WDPCP: variants seen among roughly 807,000 people sequenced by gnomAD.
The protein encoded by WDPCP is WD repeat containing planar cell polarity effector.
In WDPCP, 71 loss-of-function variants were observed where a neutral mutation model predicts 93.1. That is an observed-to-expected ratio of 0.76 (90% CI 0.63 to 0.93). The LOEUF is 0.93. Among genes scored for constraint, WDPCP ranks in the 40% least tolerant of loss-of-function variants. WDPCP has a pLI of 0.00. For missense variants in WDPCP, 844 were observed against 887.4 expected, an observed-to-expected ratio of 0.95 and a Z score of 0.62; for synonymous variants, 315 against 315.0, an observed-to-expected ratio of 1.00 and a Z score of 0.00.
Position 63,557,970 on chromosome 2 carries a change from C to T in WDPCP, c.75+30227G>A, listed in dbSNP as rs2166495. Among the ~76,000 whole-genome samples, 307 of 152,196 alleles carry T rather than the reference C, an allele frequency of 2.0e-3. 3 individuals carry two copies. Among genetic ancestry groups the T allele is most frequent in the African/African-American group, 6.8e-3 (282 of 41,518 alleles). ...CAAAGAGAACAAAGAGAAAACATAA[C>T]AGAATCTCTGGGGCACAGCTGAAGC... On this transcript the variant is annotated intron_variant, in intron 1 of 17. Transcript: ENST00000272321.
At chr2:63,584,101 A>G (rs570651808) in intron 1 of WDPCP, among the ~76,000 whole-genome samples, 93 of 152,068 alleles carry the variant, frequency 6.1e-4, no homozygotes, top group Admixed American at 1.5e-3. Context: ...TCGCGGCTAC[A>G]GTGATATGAT....
intron 1 of WDPCP, chr2:63,519,021 A>C (rs1702742647): frequency 6.7e-6 from 1 of 150,058 alleles, no homozygotes; most frequent in African/African-American, 2.5e-5. Context: ...ACATGCACCC[A>C]CTGTACCACC....
chr2:63,224,297 C>A (rs994858600), intron 14 of WDPCP, among the ~76,000 whole-genome samples: 1 of 151,936 alleles, frequency 6.6e-6, no homozygotes, highest in African/African-American at 2.4e-5. Context: ...GGTGGGAATG[C>A]AAAATGGTAC....
intron 12 of WDPCP, among the ~76,000 whole-genome samples, chr2:63,325,363 G>A (rs1687450994): frequency 6.6e-6 from 1 of 152,184 alleles, no homozygotes; most frequent in Admixed American, 6.5e-5. Context: ...CTGTCCCAGA[G>A]TGCAATGGTT....
chr2:63,508,988 AC>A (rs1414379300), intron 1 of WDPCP, among the ~76,000 whole-genome samples: 2 of 152,118 alleles, frequency 1.3e-5, no homozygotes, highest in Non-Finnish European at 2.9e-5. Flanking sequence ...ATAGTGGGAG[AC>A]TTTAACATCC....
intron 17 of WDPCP, among the ~76,000 whole-genome samples, chr2:63,126,094 C>T (rs1669883134): frequency 6.6e-6 from 1 of 151,620 alleles, no homozygotes; most frequent in Admixed American, 6.6e-5. Context: ...ACCACCACAC[C>T]AGGCTATTTT....
intron 3 of WDPCP, among the ~76,000 whole-genome samples, chr2:63,639,173 G>A (rs1178422839): frequency 6.6e-6 from 1 of 151,102 alleles, no homozygotes; most frequent in African/African-American, 2.4e-5. Flanking sequence ...GGAGGCGGAG[G>A]TTACAGTGAG....
At chr2:63,378,232 CAAATT>C in intron 12 of WDPCP, 149 bp downstream of exon 12, 2 of 1,027,602 alleles carry the variant, frequency 1.9e-6, no homozygotes, top group Non-Finnish European at 2.8e-6. Context: ...AAAACAATAA[CAAATT>C]AAATAAGACC....
chr2:63,593,181 C>T (rs1039792481), upstream of WDPCP: 1 of 162,956 alleles, frequency 6.1e-6, no homozygotes, highest in Non-Finnish European at 1.4e-5. Context: ...ACTCACTCAA[C>T]CTCTGCCTCC....
chr2:63,414,520 T>A (rs1411287630), intron 9 of WDPCP, among the ~76,000 whole-genome samples: 1 of 151,682 alleles, frequency 6.6e-6, no homozygotes, highest in Admixed American at 6.6e-5. Context: ...CACACATATA[T>A]ACATATGATG....
intron 1 of WDPCP, chr2:63,564,720 GTTCT>G (rs1706895789): frequency 6.6e-6 from 1 of 150,900 alleles, no homozygotes; most frequent in South Asian, 2.1e-4. Flanking sequence ...TTCAAATGAT[GTTCT>G]TTCTAAATCT....
intron 1 of WDPCP, among the ~76,000 whole-genome samples, chr2:63,582,367 C>G (rs1480604371): frequency 6.6e-6 from 1 of 151,950 alleles, no homozygotes; most frequent in Non-Finnish European, 1.5e-5. Context: ...CAAAATGAAA[C>G]CTAGAAAGAA....
chr2:63,406,570 C>T (rs138648771), intron 9 of WDPCP, among the ~76,000 whole-genome samples: 2 of 152,226 alleles, frequency 1.3e-5, no homozygotes, highest in Admixed American at 6.5e-5. Context: ...AAAAGCTTAA[C>T]GATTTTATGT....
chr2:63,433,812 G>A lies in WDPCP; in HGVS notation c.758C>T (p.Ala253Val), dbSNP rs751984110. ...TCTGTCCTTCTCAGAAGAAATGGGGGCCCAAGGCCAAGCATCATCGTTGAC... is the reference window on the plus strand; with the variant it reads ...TCTGTCCTTCTCAGAAGAAATGGGGACCCAAGGCCAAGCATCATCGTTGAC... ...PLVNDDAWPW[A>V]PISSEKDRAN... Residue 253 changes from alanine (A) to valine (V), a missense_variant, in exon 9 of 18, where the codon GCC becomes GTC. Coordinates refer to ENST00000272321, the MANE Select transcript of WDPCP (RefSeq NM_015910.7). 1.2e-6 allele frequency: 2 copies of A among 1,613,726 alleles called. No individual in the cohort carries two copies. Among genetic ancestry groups the A allele is most frequent in the South Asian group, 2.2e-5 (2 of 90,978 alleles).
At chr2:63,651,049 A>G (rs1445019827) in intron 2 of WDPCP, among the ~76,000 whole-genome samples, 1 of 152,198 alleles carries the variant, frequency 6.6e-6, no homozygotes, top group Non-Finnish European at 1.5e-5. Context: ...ACCATTATCA[A>G]TAAAGACATT....
intron 2 of WDPCP, among the ~76,000 whole-genome samples, chr2:63,490,792 A>C (rs1360874822): frequency 1.3e-5 from 2 of 152,160 alleles, no homozygotes; most frequent in African/African-American, 2.4e-5. Flanking sequence ...ACAAGGGGTA[A>C]AAGGGGATCA....
At chr2:63,196,328 C>T (rs1280346479) in intron 14 of WDPCP, among the ~76,000 whole-genome samples, 1 of 152,164 alleles carries the variant, frequency 6.6e-6, no homozygotes, top group African/African-American at 2.4e-5. Flanking sequence ...GCATGAGGAC[C>T]ATTCTAAAAA....
chr2:63,411,474 C>T (rs574546629), intron 9 of WDPCP, among the ~76,000 whole-genome samples: 6 of 152,020 alleles, frequency 3.9e-5, no homozygotes, highest in African/African-American at 1.4e-4. Flanking sequence ...CAAGGAATTA[C>T]AGAAACAAGA....
intron 14 of WDPCP, among the ~76,000 whole-genome samples, chr2:63,178,955 T>G (rs1674021318): frequency 6.6e-6 from 1 of 152,020 alleles, no homozygotes; most frequent in Admixed American, 6.6e-5. Context: ...GTGTTGGAGG[T>G]GGGACCTTGT....
Sources: allele counts gnomAD v4.1 joint callset (sites outside exome capture counted in the v4.1 genomes callset), GRCh38; gene constraint gnomAD v4.1.1; transcripts MANE v1.5; gene names NCBI Gene and HGNC (gene_info 2026-07-23, HGNC 2026-07-21).